LUZP2: variants seen among roughly 807,000 people sequenced by gnomAD.
LUZP2 encodes the protein leucine zipper protein 2.
LUZP2 carries 52 observed loss-of-function variants against 51.6 expected under a neutral mutation model. That is an observed-to-expected ratio of 1.01 (90% CI 0.81 to 1.27). The LOEUF is 1.27. Ranked by LOEUF, LUZP2 falls within the 50% of genes most tolerant of loss-of-function variation. The pLI, the probability that LUZP2 is intolerant of heterozygous loss-of-function variation, is 0.00. For missense variants in LUZP2, 436 were observed against 395.4 expected (o/e 1.10, Z -0.87); for synonymous variants, 154 against 137.3 (o/e 1.12, Z -0.85).
At chr11:24,925,549 T>G (rs1416045278) in intron 7 of LUZP2, among the ~76,000 whole-genome samples, 11 of 152,070 alleles carry the variant, frequency 7.2e-5, no homozygotes. Flanking sequence ...GCCTCACTTA[T>G]TTTTTTCATT....
intron 9 of LUZP2, among the ~76,000 whole-genome samples, chr11:25,034,775 T>C (rs982961226): frequency 3.3e-5 from 5 of 152,076 alleles, no homozygotes; most frequent in Admixed American, 2.6e-4. Flanking sequence ...ATTTAATTGG[T>C]CTACATGTCT....
At chr11:24,628,093 G>A (rs1339751180) in intron 1 of LUZP2, among the ~76,000 whole-genome samples, 2 of 152,050 alleles carry the variant, frequency 1.3e-5, no homozygotes, top group Non-Finnish European at 2.9e-5. Flanking sequence ...TCTGGAAGGA[G>A]CAGGGTTGCA....
intron 10 of LUZP2, among the ~76,000 whole-genome samples, chr11:25,075,393 C>G (rs2134060873): frequency 6.6e-6 from 1 of 152,196 alleles, no homozygotes; most frequent in South Asian, 2.1e-4. Flanking sequence ...AGAAAGCAGG[C>G]ATTTATGAAA....
intron 7 of LUZP2, among the ~76,000 whole-genome samples, chr11:24,950,911 A>G (rs933057967): frequency 6.6e-6 from 1 of 151,594 alleles, no homozygotes; most frequent in Non-Finnish European, 1.5e-5. Context: ...CAAGACATTG[A>G]TAAGAAAGTT....
At chr11:24,688,401 C>T (rs1856963355) in intron 1 of LUZP2, among the ~76,000 whole-genome samples, 1 of 152,062 alleles carries the variant, frequency 6.6e-6, no homozygotes, top group Admixed American at 6.6e-5. Flanking sequence ...TGGGGAACTA[C>T]CGTGAGAAAG....
At chr11:24,898,687 A>G (rs1397590490) in intron 5 of LUZP2, among the ~76,000 whole-genome samples, 1 of 152,064 alleles carries the variant, frequency 6.6e-6, no homozygotes, top group African/African-American at 2.4e-5. Flanking sequence ...GCATATACAT[A>G]TAAAACGTGA....
At chr11:24,517,348 T>G (rs934009031) in intron 1 of LUZP2, among the ~76,000 whole-genome samples, 1 of 151,282 alleles carries the variant, frequency 6.6e-6, no homozygotes, top group Non-Finnish European at 1.5e-5. Flanking sequence ...TAGCTGGGCG[T>G]GGTGGCGGGT....
intron 7 of LUZP2, among the ~76,000 whole-genome samples, chr11:24,917,217 T>C (rs1853818176): frequency 6.6e-6 from 1 of 152,182 alleles, no homozygotes; most frequent in Non-Finnish European, 1.5e-5. Flanking sequence ...GAGTTCTTTG[T>C]AGATTCTGAA....
At chr11:25,067,259 T>G (rs1177862761) in intron 10 of LUZP2, among the ~76,000 whole-genome samples, 1 of 151,962 alleles carries the variant, frequency 6.6e-6, no homozygotes, top group Non-Finnish European at 1.5e-5. Context: ...GTTTAAGTTC[T>G]TTTTAGATTC....
At chr11:24,859,283 C>T (rs1313118617) in intron 5 of LUZP2, among the ~76,000 whole-genome samples, 1 of 151,998 alleles carries the variant, frequency 6.6e-6, no homozygotes, top group Non-Finnish European at 1.5e-5. Flanking sequence ...AGAAATTGAG[C>T]TTTTCCCGAC....
intron 5 of LUZP2, among the ~76,000 whole-genome samples, chr11:24,871,967 C>T (rs1852091377): frequency 6.6e-6 from 1 of 151,956 alleles, no homozygotes; most frequent in South Asian, 2.1e-4. Flanking sequence ...CTAATGTAAA[C>T]TATTAGTTCC....
chr11:24,834,206 A>G (rs983689593), intron 5 of LUZP2, among the ~76,000 whole-genome samples: 4 of 152,056 alleles, frequency 2.6e-5, no homozygotes, highest in African/African-American at 9.7e-5. Context: ...TTGAAGCACC[A>G]CATGCATTAG....
intron 2 of LUZP2, 134 bp from the exon 3 acceptor site, chr11:24,731,984 G>A (rs1362963031): frequency 1.7e-6 from 1 of 576,996 alleles, no homozygotes; most frequent in Non-Finnish European, 3.0e-6. Flanking sequence ...GAGCCGTGAG[G>A]ACCATCATAG....
At chr11:24,646,878 A>T (rs1855476625) in intron 1 of LUZP2, among the ~76,000 whole-genome samples, 3 of 152,168 alleles carry the variant, frequency 2.0e-5, no homozygotes, top group African/African-American at 7.2e-5. Flanking sequence ...AAATGAAAGT[A>T]TTTTATTAGA....
chr11:25,056,968 C>T (rs1256598766), intron 10 of LUZP2, among the ~76,000 whole-genome samples: 1 of 152,178 alleles, frequency 6.6e-6, no homozygotes, highest in Non-Finnish European at 1.5e-5. Flanking sequence ...GGCGTGGTGG[C>T]AGGCGCCTGT....
intron 5 of LUZP2, among the ~76,000 whole-genome samples, chr11:24,782,132 T>C (rs12277395): frequency 0.014 from 2,098 of 152,210 alleles, 55 homozygotes; most frequent in African/African-American, 0.048. Flanking sequence ...GTTGGCAATC[T>C]GCATTCCCTA....
chr11:24,788,720 A>T (rs1336658924), intron 5 of LUZP2, among the ~76,000 whole-genome samples: 1 of 152,132 alleles, frequency 6.6e-6, no homozygotes, highest in Non-Finnish European at 1.5e-5. Flanking sequence ...TCCATAATCT[A>T]TATGGCAAGC....
chr11:24,692,368 G>C (rs892631842), intron 1 of LUZP2, among the ~76,000 whole-genome samples: 8 of 151,946 alleles, frequency 5.3e-5, no homozygotes, highest in African/African-American at 1.9e-4. Flanking sequence ...GTCACAAGCA[G>C]GTGATACAAG....
chr11:24,805,868 T>A (rs1352576938), intron 5 of LUZP2, among the ~76,000 whole-genome samples: 1 of 152,072 alleles, frequency 6.6e-6, no homozygotes, highest in South Asian at 2.1e-4. Context: ...CCTACAGAAA[T>A]TTTTGGATGA....
Sources: gnomAD v4.1 joint callset for allele counts (sites outside exome capture counted in the v4.1 genomes callset) on GRCh38, gnomAD v4.1.1 for gene constraint, MANE v1.5 for transcripts, NCBI Gene and HGNC (gene_info 2026-07-23, HGNC 2026-07-21) for gene names.